Variants in MAP3K7 observed in about 807,000 individuals in gnomAD.
MAP3K7 encodes mitogen-activated protein kinase kinase kinase 7.
A neutral mutation model predicts 84.8 loss-of-function variants in MAP3K7; 21 were observed. The ratio of observed to expected loss-of-function variants is 0.25; its 90% CI spans 0.18 to 0.36. The LOEUF (loss-of-function observed/expected upper bound fraction) is 0.36. MAP3K7 is among the 10% of genes least tolerant of loss of function. MAP3K7 has a pLI of 1.00. For synonymous variants in MAP3K7, 241 were observed against 247.7 expected (o/e 0.97, Z 0.25); for missense variants, 503 against 747.7 (o/e 0.67, Z 3.82).
At chr6:90,581,014 T>C (rs920547191) in intron 1 of MAP3K7, among the ~76,000 whole-genome samples, 1 of 152,186 alleles carries the variant, frequency 6.6e-6, no homozygotes, top group Admixed American at 6.5e-5. Flanking sequence ...CAGAAGAATA[T>C]GAGATGGTAT....
chr6:90,544,196 T>C (rs928826411), intron 12 of MAP3K7, among the ~76,000 whole-genome samples: 8 of 152,008 alleles, frequency 5.3e-5, no homozygotes, highest in Non-Finnish European at 8.8e-5. Context: ...CCAAGGAAAA[T>C]AACAAATTTT....
At chr6:90,553,677 G>C (rs1776250037) in intron 6 of MAP3K7, 91 bp from the exon 7 acceptor site, 2 of 1,108,472 alleles carry the variant, frequency 1.8e-6, no homozygotes, top group Non-Finnish European at 2.6e-6. Context: ...ATGGGTATCA[G>C]GGATAAAAAT....
Position 90,552,274 on chromosome 6 carries a change from A to T in MAP3K7, c.737-95T>A, listed in dbSNP as rs577126398. On this transcript the variant is annotated intron_variant, in intron 7 of 16. Coordinates refer to ENST00000369329, the MANE Select transcript of MAP3K7 (RefSeq NM_145331.3). The stretch of plus-strand genomic sequence containing the variant: ...GTATTTCCAAAGTGGTATTTATTTT[A>T]TAGATCTTGTAGTTTAAGATCTGTA... 314 of 1,173,254 alleles carry T rather than the reference A, an allele frequency of 2.7e-4. 1 individual carries two copies. The African/African-American group carries it at 4.4e-3, about 16-fold the overall frequency. The allele number at this position is 1,173,254 out of a possible 1,614,324, so 72.7% of individuals were successfully genotyped here.
intron 12 of MAP3K7, chr6:90,542,487 A>T: frequency 2.0e-6 from 2 of 985,218 alleles, no homozygotes. Flanking sequence ...CAATGTCATA[A>T]AAGAGGATCT....
At chr6:90,539,979 C>T (rs760043785) in intron 12 of MAP3K7, among the ~76,000 whole-genome samples, 2 of 151,918 alleles carry the variant, frequency 1.3e-5, no homozygotes, top group Non-Finnish European at 2.9e-5. Flanking sequence ...AAATTAAAAG[C>T]GAATACGCGT....
intron 13 of MAP3K7, among the ~76,000 whole-genome samples, chr6:90,532,440 C>T (rs1775539341): frequency 6.6e-6 from 1 of 152,110 alleles, no homozygotes; most frequent in African/African-American, 2.4e-5. Flanking sequence ...GTTATGGTCC[C>T]TATTTGCAGA....
At position 90,536,271 on chromosome 6, in the gene MAP3K7, A is replaced by C. The variant is rs1775673910; in HGVS notation, c.1356+66T>G. On this transcript the variant is annotated intron_variant, in intron 13 of 16. Coordinates refer to ENST00000369329, the MANE Select transcript of MAP3K7 (RefSeq NM_145331.3). ...TCATAAAACTAATTTTGCAGAGTAG[A>C]ATACAGTTAATTCTTGTTTTCTGCC... The C allele has an allele frequency of 1.5e-5, 20 of 1,316,416 alleles. No homozygotes were observed. The South Asian group carries it at 2.3e-4, about 15-fold the overall frequency. The allele number at this position is 1,316,416 out of a possible 1,614,324, so 81.5% of individuals were successfully genotyped here.
intron 16 of MAP3K7, among the ~76,000 whole-genome samples, chr6:90,518,151 A>T (rs1305934881): frequency 6.6e-6 from 1 of 151,808 alleles, no homozygotes; most frequent in Non-Finnish European, 1.5e-5. Flanking sequence ...AATAAATCAA[A>T]TTATTTTATC....
At chr6:90,524,040 G>A (rs145528144) in intron 13 of MAP3K7, among the ~76,000 whole-genome samples, 113 of 152,264 alleles carry the variant, frequency 7.4e-4, no homozygotes, top group African/African-American at 2.7e-3. Flanking sequence ...AAACTAGTAA[G>A]TGCTTAAGCT....
chr6:90,561,180 G>GT (rs1416145449), intron 4 of MAP3K7, among the ~76,000 whole-genome samples: 1 of 151,396 alleles, frequency 6.6e-6, no homozygotes, highest in African/African-American at 2.4e-5. Context: ...ACTACACAAA[G>GT]TTTTTTTTCA....
chr6:90,523,829 A>G, intron 13 of MAP3K7, 46 bp from the exon 14 acceptor site: 1 of 1,099,262 alleles, frequency 9.1e-7, no homozygotes, highest in Non-Finnish European at 1.4e-6. Context: ...TTTTTTGATT[A>G]AAAAAAATGA....
chr6:90,581,471 C>T (rs1406636268), intron 1 of MAP3K7, among the ~76,000 whole-genome samples: 1 of 152,188 alleles, frequency 6.6e-6, no homozygotes, highest in African/African-American at 2.4e-5. Context: ...TATTAATAAA[C>T]TGTGGCAGAG....
chr6:90,523,655 G>A, intron 14 of MAP3K7, 23 bp downstream of exon 14: 1 of 1,474,528 alleles, frequency 6.8e-7, no homozygotes, highest in Non-Finnish European at 9.5e-7. Context: ...AACTTCATAA[G>A]TATGAAGAAA....
At chr6:90,541,692 T>C (rs1312600456) in intron 12 of MAP3K7, among the ~76,000 whole-genome samples, 1 of 152,040 alleles carries the variant, frequency 6.6e-6, no homozygotes, top group African/African-American at 2.4e-5. Context: ...ACTAAATTGA[T>C]AAATAGTGCT....
At chr6:90,544,228 G>A (rs1033078454) in intron 12 of MAP3K7, among the ~76,000 whole-genome samples, 2 of 152,026 alleles carry the variant, frequency 1.3e-5, no homozygotes, top group African/African-American at 4.8e-5. Flanking sequence ...TCCTCTTTCT[G>A]TTGGGTGCAA....
At chr6:90,571,840 A>G in intron 1 of MAP3K7, 33 bp from the exon 2 acceptor site, 1 of 1,239,110 alleles carries the variant, frequency 8.1e-7, no homozygotes, top group Non-Finnish European at 1.1e-6. Context: ...AAACAAACAA[A>G]AAACACCACA....
At chr6:90,555,546 C>T (rs1300117038) in intron 6 of MAP3K7, among the ~76,000 whole-genome samples, 4 of 152,202 alleles carry the variant, frequency 2.6e-5, no homozygotes, top group Admixed American at 6.5e-5. Context: ...TGAGCCACCG[C>T]GCCCAGCTAT....
rs2127978538 is a variant in MAP3K7 at position 90,560,130 on chromosome 6, T to C, written c.428A>G (p.Tyr143Cys). ...CGCTTTGGGTTGCATGCTGTGAAGA[T>C]AAGCCACTCCTTGGGAACACTGTAA... ...WCLQCSQGVA[Y>C]LHSMQPKALI... is the part of the protein sequence containing the mutation. The change falls in exon 5 of 17, where the codon TAT becomes TGT. Residue 143 changes from tyrosine (Y) to cysteine (C), a missense_variant. Physicochemically the swap from Tyr to Cys is radical, Grantham distance 194. Around this residue, in one of 5 missense-constraint regions of MAP3K7, gnomAD observed 97 missense variants for 270.8 expected, o/e 0.36. Transcript: ENST00000369329. 2 of 1,614,200 alleles carry C rather than the reference T, an allele frequency of 1.2e-6. No homozygotes were observed. The highest frequency in any genetic ancestry group is 4.5e-5 in the East Asian group (2 of 44,880).
Position 90,586,906 on chromosome 6 carries a change from G to A in MAP3K7, c.-23C>T, listed in dbSNP as rs373082698. 6.3e-7 allele frequency: 1 copy of A among 1,596,576 alleles called. No homozygotes were observed. Among genetic ancestry groups the A allele is most frequent in the African/African-American group, 1.4e-5 (1 of 73,736 alleles). On this transcript the variant is annotated 5_prime_UTR_variant, in exon 1 of 17. Coordinates refer to ENST00000369329, the MANE Select transcript of MAP3K7 (RefSeq NM_145331.3). ...CATGATCCCTCGCGGCGCCCGGTGG[G>A]GCCGGGAACGGTGCCACCCGGACAA...
Sources: allele counts gnomAD v4.1 joint callset (sites outside exome capture counted in the v4.1 genomes callset), GRCh38; gene constraint gnomAD v4.1.1; regional missense constraint gnomAD v4.1.1; transcripts MANE v1.5; gene names NCBI Gene and HGNC (gene_info 2026-07-23, HGNC 2026-07-21).